Variants in POLR2B observed in about 807,000 individuals in gnomAD.
The protein encoded by POLR2B is RNA polymerase II subunit B, also known as DNA-directed RNA polymerase II subunit RPB2.
In POLR2B, 57 loss-of-function variants were observed where a neutral mutation model predicts 144.6. The observed-to-expected ratio is 0.39, with a 90% CI of 0.32 to 0.49. The LOEUF (loss-of-function observed/expected upper bound fraction) is 0.49, where lower values mean the gene tolerates loss of function less well. Among genes scored for constraint, POLR2B ranks in the 20% least tolerant of loss-of-function variants. POLR2B has a pLI of 0.83. For synonymous variants in POLR2B, 442 were observed against 469.8 expected, an observed-to-expected ratio of 0.94 and a Z score of 0.77; for missense variants, 595 against 1,467.4, an observed-to-expected ratio of 0.41 and a Z score of 9.71.
chr4:57,016,983 A>G, intron 14 of POLR2B, 60 bp from the exon 15 acceptor site: 1 of 780,496 alleles, frequency 1.3e-6, no homozygotes, highest in Non-Finnish European at 2.0e-6. Context: ...ACTTTTAAGT[A>G]GGAGGAATAG....
At chr4:57,013,509 G>C (rs1723266065) in intron 13 of POLR2B, among the ~76,000 whole-genome samples, 1 of 151,898 alleles carries the variant, frequency 6.6e-6, no homozygotes, top group Non-Finnish European at 1.5e-5. Context: ...TTCCCAAAGT[G>C]TTGGGAGCTA....
chr4:56,990,928 C>A, intron 3 of POLR2B, 30 bp downstream of exon 3: 1 of 1,578,018 alleles, frequency 6.3e-7, no homozygotes. Context: ...TACACAGGTA[C>A]AAGAAGCGTA....
At position 57,017,009 on chromosome 4, in the gene POLR2B, G is replaced by C. The variant is rs1718866; in HGVS notation, c.1956-34G>C. 1,222,426 of 1,379,928 alleles carry C rather than the reference G, an allele frequency of 0.89. 542,127 individuals are homozygous for C. Among genetic ancestry groups the C allele is most frequent in the East Asian group, 0.98 (39,698 of 40,626 alleles). The allele number at this position is 1,379,928 out of a possible 1,614,324, so 85.5% of individuals were successfully genotyped here. A position where few individuals can be genotyped will look rare whatever the true frequency, so the allele number is the denominator to read the frequency against. The stretch of plus-strand genomic sequence containing the variant: ...GGAGGAATAGTTAGTTAAAATACTT[G>C]AGGAAGTAGAAAATTGAGTGAATTC... On this transcript the variant is annotated intron_variant, in intron 14 of 24. Transcript: ENST00000314595. This position sits in a 1 kb window ranked among gnomAD's most constrained non-coding sequence, Gnocchi z 4.8.
chr4:57,023,934 G>A lies in POLR2B; in HGVS notation c.2857-71G>A. The A allele has an allele frequency of 1.1e-6, 1 of 883,320 alleles. No homozygotes were observed. The highest frequency in any genetic ancestry group is 1.8e-6 in the Non-Finnish European group (1 of 561,260). 54.7% of individuals were successfully genotyped at this position (883,320 alleles called of 1,614,324 possible). ...ATTTGGGACATACAGTAATTCAGTT[G>A]GGAGAACTGAAATGTCAGTTCTAGT... is the stretch of plus-strand genomic sequence containing the variant. On this transcript the variant is annotated intron_variant, in intron 20 of 24. Coordinates refer to ENST00000314595, the MANE Select transcript of POLR2B (RefSeq NM_000938.3). This position sits in a 1 kb window ranked among gnomAD's most constrained non-coding sequence, Gnocchi z 4.3.
At chr4:56,992,652 C>T (rs1289671955) in intron 3 of POLR2B, among the ~76,000 whole-genome samples, 2 of 148,566 alleles carry the variant, frequency 1.3e-5, no homozygotes, top group African/African-American at 2.5e-5. Context: ...CTCCGCCTTC[C>T]GGGTTCACGC....
At chr4:56,992,355 C>G (rs965972693) in intron 3 of POLR2B, among the ~76,000 whole-genome samples, 1 of 141,170 alleles carries the variant, frequency 7.1e-6, no homozygotes, top group Non-Finnish European at 1.5e-5. Flanking sequence ...GTCCCAGCTA[C>G]TAGGGAGGCT....
chr4:56,996,206 A>ATG (rs59059584), intron 6 of POLR2B, among the ~76,000 whole-genome samples: 13,920 of 115,176 alleles, frequency 0.12, 947 homozygotes, highest in Non-Finnish European at 0.15. Context: ...ATTTCAGTTC[A>ATG]TGTGTGTGTG....
At chr4:56,998,014 A>G (rs1315512703) in intron 6 of POLR2B, among the ~76,000 whole-genome samples, 1 of 152,188 alleles carries the variant, frequency 6.6e-6, no homozygotes, top group East Asian at 1.9e-4. Context: ...AAATGAATTA[A>G]TTAGAGACAG....
At chr4:56,985,295 C>T (rs34749389) in intron 1 of POLR2B, 68,419 of 981,866 alleles carry the variant, frequency 0.07, 2,526 homozygotes, top group Middle Eastern at 0.084. Context: ...AGTGCAGTGG[C>T]GCGATCTCAG....
At position 57,020,918 on chromosome 4, in the gene POLR2B, C is replaced by T. The variant is rs2228127; in HGVS notation, c.2343C>T (p.Ala781=). ...CTGCAGGCATCAACTCAATTGTGGCCATTGCATCATACACTGGATATAATC... is the reference window on the plus strand; with the variant it reads ...CTGCAGGCATCAACTCAATTGTGGCTATTGCATCATACACTGGATATAATC... ...ELPAGINSIV[A]IASYTGYNQE... The change falls in exon 17 of 25, where the codon GCC becomes GCT. Residue 781 remains alanine (A), a synonymous_variant. Transcript: ENST00000314595. The T allele has an allele frequency of 2.2e-3, 3,435 of 1,591,708 alleles. 64 individuals are homozygous for T. The African/African-American group carries it at 0.041, about 19-fold the overall frequency.
chr4:57,013,949 TA>T (rs11310734), intron 13 of POLR2B, among the ~76,000 whole-genome samples: 17,495 of 135,494 alleles, frequency 0.13, 1,565 homozygotes, highest in African/African-American at 0.24. Flanking sequence ...ATGTTTATAT[TA>T]AAAAAAAAAA....
chr4:56,983,870 CTT>C (rs371798004), intron 1 of POLR2B, among the ~76,000 whole-genome samples: 29 of 139,998 alleles, frequency 2.1e-4, no homozygotes, highest in Non-Finnish European at 1.7e-4. Flanking sequence ...ATTCATATCA[CTT>C]TTTTTTTTTT....
chr4:56,992,464 CAAAAAA>C (rs1209234628), intron 3 of POLR2B, among the ~76,000 whole-genome samples: 89 of 17,128 alleles, frequency 5.2e-3, no homozygotes, highest in African/African-American at 0.023. Flanking sequence ...GACTCTGTCT[CAAAAAA>C]AAAAAAAAAA....
rs1723846305 is a variant in POLR2B, at chr4:57,029,653, G to T, written c.3240-551G>T. On this transcript the variant is annotated intron_variant, in intron 23 of 24. Coordinates refer to ENST00000314595, the MANE Select transcript of POLR2B (RefSeq NM_000938.3). ...TTCTTTCCATTACTTCAGCCAACAT[G>T]TATTTATGATTTCAAGGTTGATTGC... Among the ~76,000 whole-genome samples the T allele has an allele frequency of 1.3e-5, 2 of 152,158 alleles. 1 individual carries two copies. The highest frequency in any genetic ancestry group is 4.1e-4 in the South Asian group (2 of 4,832).
chr4:57,010,176 T>G (rs1723144531), intron 10 of POLR2B, 185 bp from the exon 11 acceptor site: 1 of 564,384 alleles, frequency 1.8e-6, no homozygotes, highest in African/African-American at 1.9e-5. Context: ...TTGAATATAT[T>G]TGCCATCCCT....
chr4:57,012,174 G>A (rs756645304), intron 13 of POLR2B, among the ~76,000 whole-genome samples: 2 of 152,110 alleles, frequency 1.3e-5, no homozygotes, highest in Non-Finnish European at 2.9e-5. Flanking sequence ...GGAAGTTGAG[G>A]CAGGCGGATC....
In POLR2B at chr4:57,006,882, T is replaced by C. The variant is rs774060806; in HGVS notation, c.1284T>C (p.Asp428=). Residue 428 remains aspartate, a synonymous_variant, in exon 10 of 25, where the codon GAT becomes GAC. Transcript: ENST00000314595. The part of the protein sequence containing the change: ...YAQKFIDRGK[D]FNLELAIKTR... ...AGAAATTTATTGATCGAGGAAAGGA[T>C]TTTAACTTGGAGTTGGCAATTAAAA... 1.2e-6 allele frequency: 2 copies of C among 1,613,650 alleles called. No individual in the cohort carries two copies. Among genetic ancestry groups the C allele is most frequent in the Middle Eastern group, 1.6e-4 (1 of 6,062 alleles).
intron 16 of POLR2B, among the ~76,000 whole-genome samples, chr4:57,020,257 C>T (rs577534446): frequency 2.6e-5 from 4 of 152,238 alleles, no homozygotes; most frequent in Non-Finnish European, 4.4e-5. Context: ...TGGTCTCAAT[C>T]GCTTGACCTT....
Position 57,023,809 on chromosome 4 carries a change from A to G in POLR2B, c.2856+58A>G. On this transcript the variant is annotated intron_variant, in intron 20 of 24. Transcript: ENST00000314595. The surrounding 1 kb of genome is among the most constrained non-coding windows in gnomAD (Gnocchi z 4.3). ...CAGTTTTGTTAAATATTTTTTTTTT[A>G]ATCAAAATTTGCTTTAACTTAAGAG... 8.2e-7 allele frequency: 1 copy of G among 1,221,134 alleles called. No homozygotes were observed. The highest frequency in any genetic ancestry group is 1.2e-6 in the Non-Finnish European group (1 of 859,658). The allele number at this position is 1,221,134 out of a possible 1,614,324, so 75.6% of individuals were successfully genotyped here.
Sources: allele counts gnomAD v4.1 joint callset (sites outside exome capture counted in the v4.1 genomes callset), GRCh38; gene constraint gnomAD v4.1.1; non-coding constraint Gnocchi (gnomAD v3.1); transcripts MANE v1.5; gene names NCBI Gene and HGNC (gene_info 2026-07-23, HGNC 2026-07-21).